COL4A1: variants seen among roughly 807,000 people sequenced by gnomAD.
COL4A1 encodes collagen type IV alpha 1 chain, also known as collagen alpha-1(IV) chain.
A neutral mutation model predicts 216.6 loss-of-function variants in COL4A1; 40 were observed. That is an observed-to-expected ratio of 0.18 (90% CI 0.14 to 0.24). COL4A1 has a LOEUF of 0.24. COL4A1 is among the 10% of genes least tolerant of loss of function. The probability of loss-of-function intolerance (pLI) is 1.00; values close to 1 mark genes in which losing one functional copy is unlikely to be tolerated. For synonymous variants in COL4A1, 839 were observed against 810.7 expected, an observed-to-expected ratio of 1.03 and a Z score of -0.59; for missense variants, 1,628 against 2,196.8, an observed-to-expected ratio of 0.74 and a Z score of 5.18.
At chr13:110,284,070 G>A (rs1227226543) in intron 1 of COL4A1, among the ~76,000 whole-genome samples, 1 of 152,204 alleles carries the variant, frequency 6.6e-6, no homozygotes, top group African/African-American at 2.4e-5. Context: ...GCCACCAACG[G>A]GCAGGGATCC....
intron 1 of COL4A1, among the ~76,000 whole-genome samples, chr13:110,263,472 C>T (rs1308491398): frequency 2.6e-5 from 4 of 152,100 alleles, no homozygotes; most frequent in Non-Finnish European, 5.9e-5. Flanking sequence ...AAAATTTTGG[C>T]ATATGGGATC....
intron 1 of COL4A1, among the ~76,000 whole-genome samples, chr13:110,285,199 G>A (rs1883790318): frequency 6.6e-6 from 1 of 152,218 alleles, no homozygotes; most frequent in South Asian, 2.1e-4. Flanking sequence ...TTATTAAAAT[G>A]TTGAAGCCAG....
At chr13:110,216,575 G>A (rs1202139413) in intron 2 of COL4A1, among the ~76,000 whole-genome samples, 7 of 152,188 alleles carry the variant, frequency 4.6e-5, no homozygotes, top group Admixed American at 4.6e-4. Context: ...CATGAGACCA[G>A]CGATGATAAG....
intron 1 of COL4A1, among the ~76,000 whole-genome samples, chr13:110,252,211 A>G (rs1381131091): frequency 6.6e-6 from 1 of 151,758 alleles, no homozygotes; most frequent in East Asian, 2.0e-4. Context: ...TTTAGTAGAG[A>G]CGTGGTTTCA....
At chr13:110,275,826 A>G (rs1594109915) in intron 1 of COL4A1, among the ~76,000 whole-genome samples, 1 of 152,200 alleles carries the variant, frequency 6.6e-6, no homozygotes, top group South Asian at 2.1e-4. Context: ...TTCCAACTAT[A>G]AGACAACTAT....
intron 1 of COL4A1, among the ~76,000 whole-genome samples, chr13:110,302,986 A>G (rs1272220191): frequency 6.6e-6 from 1 of 152,150 alleles, no homozygotes; most frequent in East Asian, 1.9e-4. Context: ...ATTCATCAAA[A>G]CCACTGTTGT....
chr13:110,157,203 G>C (rs991498075), intron 49 of COL4A1, among the ~76,000 whole-genome samples: 1 of 152,190 alleles, frequency 6.6e-6, no homozygotes, highest in Non-Finnish European at 1.5e-5. Context: ...AAGACAGAAC[G>C]AAAATGCAGT....
At chr13:110,260,751 T>C (rs1882782599) in intron 1 of COL4A1, among the ~76,000 whole-genome samples, 1 of 152,064 alleles carries the variant, frequency 6.6e-6, no homozygotes, top group African/African-American at 2.4e-5. Flanking sequence ...ACTCTACACT[T>C]AAAAATGGTC....
chr13:110,245,147 C>G (rs963813939), intron 1 of COL4A1, among the ~76,000 whole-genome samples: 1 of 152,162 alleles, frequency 6.6e-6, no homozygotes, highest in Non-Finnish European at 1.5e-5. Flanking sequence ...CTCCAGATCA[C>G]AGAGTAGCCA....
rs149966318 is a variant in COL4A1, at chr13:110,249,753, C to A, written c.85-7019G>T. Among the ~76,000 whole-genome samples the A allele has an allele frequency of 3.1e-4, 47 of 152,198 alleles. No homozygotes were observed. The East Asian group carries it at 8.3e-3, about 27-fold the overall frequency. On this transcript the variant is annotated intron_variant, in intron 1 of 51. Transcript: ENST00000375820. ...TTGATAAACTTCAATAAAATTAGCT[C>A]CCCAAAAAAGTGTCCATGGCATTTA...
chr13:110,161,499 A>T, intron 48 of COL4A1, 130 bp from the exon 49 acceptor site: 1 of 1,142,896 alleles, frequency 8.7e-7, no homozygotes, highest in East Asian at 2.6e-5. Context: ...GGAAATGTAT[A>T]AAGGATTATG....
intron 28 of COL4A1, among the ~76,000 whole-genome samples, chr13:110,182,751 T>G (rs1566356195): frequency 6.6e-6 from 1 of 152,242 alleles, no homozygotes; most frequent in African/African-American, 2.4e-5. Flanking sequence ...GCACCATTGG[T>G]GGCAGTGCCC....
At chr13:110,241,190 A>G (rs1881550632) in intron 2 of COL4A1, among the ~76,000 whole-genome samples, 1 of 152,152 alleles carries the variant, frequency 6.6e-6, no homozygotes, top group African/African-American at 2.4e-5. Context: ...ATATAAGTTT[A>G]TAGATGCGGA....
chr13:110,241,331 C>G (rs1034506621), intron 2 of COL4A1, among the ~76,000 whole-genome samples: 1 of 152,220 alleles, frequency 6.6e-6, no homozygotes, highest in African/African-American at 2.4e-5. Flanking sequence ...GCCAACTTGG[C>G]TCCAGCCCTG....
At chr13:110,278,184 A>C (rs997842536) in intron 1 of COL4A1, among the ~76,000 whole-genome samples, 2 of 152,230 alleles carry the variant, frequency 1.3e-5, no homozygotes, top group African/African-American at 4.8e-5. Context: ...ATAAAAGGTG[A>C]AGTGAGTTTC....
intron 44 of COL4A1, 55 bp from the exon 45 acceptor site, chr13:110,166,358 ATGTG>A: frequency 9.3e-7 from 1 of 1,075,516 alleles, no homozygotes; most frequent in Non-Finnish European, 1.5e-6. Context: ...ATATACAAAT[ATGTG>A]TGTGTATATA....
chr13:110,219,876 A>ATG (rs1566385963), intron 2 of COL4A1, among the ~76,000 whole-genome samples: 3 of 118,924 alleles, frequency 2.5e-5, no homozygotes, highest in Non-Finnish European at 5.1e-5. Context: ...GTGTGTATAT[A>ATG]TGTATATATA....
At chr13:110,191,167 C>T (rs983956290) in intron 24 of COL4A1, 1 of 152,498 alleles carries the variant, frequency 6.6e-6, no homozygotes, top group Non-Finnish European at 1.5e-5. Context: ...TTCTGGAGAG[C>T]AAAAGCCCAA....
intron 28 of COL4A1, among the ~76,000 whole-genome samples, chr13:110,182,281 C>T (rs1878199551): frequency 6.6e-6 from 1 of 152,218 alleles, no homozygotes; most frequent in Admixed American, 6.5e-5. Flanking sequence ...CAGCCTACAG[C>T]AGTGAGGGTG....
Sources: allele counts gnomAD v4.1 joint callset (sites outside exome capture counted in the v4.1 genomes callset), GRCh38; gene constraint gnomAD v4.1.1; transcripts MANE v1.5; gene names NCBI Gene and HGNC (gene_info 2026-07-23, HGNC 2026-07-21).